MAST2: variants seen among roughly 807,000 people sequenced by gnomAD.
MAST2 encodes the protein microtubule-associated serine/threonine-protein kinase 2.
Under a neutral mutation model 147.4 loss-of-function variants are expected in MAST2, and 70 were observed. The ratio of observed to expected loss-of-function variants is 0.47; its 90% CI spans 0.39 to 0.58. The LOEUF is 0.58. Among genes scored for constraint, MAST2 ranks in the 20% least tolerant of loss-of-function variants. The pLI, the probability that MAST2 is intolerant of heterozygous loss-of-function variation, is 0.00. For synonymous variants in MAST2, 869 were observed against 896.8 expected (o/e 0.97, Z 0.55); for missense variants, 2,080 against 2,302.3 (o/e 0.90, Z 1.98).
intron 7 of MAST2, among the ~76,000 whole-genome samples, chr1:46,005,465 G>A (rs926480170): frequency 6.6e-6 from 1 of 152,162 alleles, no homozygotes; most frequent in South Asian, 2.1e-4. Context: ...AGGTAATGGA[G>A]GGGGGAGTTC....
intron 4 of MAST2, among the ~76,000 whole-genome samples, chr1:45,907,534 T>G (rs1650969992): frequency 6.6e-6 from 1 of 151,468 alleles, no homozygotes; most frequent in Middle Eastern, 3.4e-3. Flanking sequence ...CTCAGCTCAC[T>G]GCAGCCTCTG....
chr1:45,924,046 AT>A (rs1341080450), intron 4 of MAST2, among the ~76,000 whole-genome samples: 1 of 151,938 alleles, frequency 6.6e-6, no homozygotes, highest in Non-Finnish European at 1.5e-5. Context: ...TAATTTTTGT[AT>A]TTTTAGTAGA....
intron 3 of MAST2, among the ~76,000 whole-genome samples, chr1:45,853,211 T>A (rs1025273019): frequency 7.9e-5 from 12 of 152,162 alleles, no homozygotes; most frequent in Non-Finnish European, 1.5e-4. Flanking sequence ...ATTACAGATA[T>A]GAGCCCCATG....
intron 15 of MAST2, among the ~76,000 whole-genome samples, chr1:46,025,044 C>T (rs995716917): frequency 2.6e-5 from 4 of 152,142 alleles, no homozygotes; most frequent in Non-Finnish European, 4.4e-5. Flanking sequence ...ATGGGCCGGA[C>T]GTGGTGGCTC....
At chr1:45,978,125 A>G (rs1644249857) in intron 5 of MAST2, among the ~76,000 whole-genome samples, 1 of 152,228 alleles carries the variant, frequency 6.6e-6, no homozygotes, top group Admixed American at 6.5e-5. Flanking sequence ...AGTATGATTG[A>G]AAAATGGCCA....
At chr1:45,827,104 A>G (rs1644817917) in intron 2 of MAST2, among the ~76,000 whole-genome samples, 1 of 152,202 alleles carries the variant, frequency 6.6e-6, no homozygotes, top group South Asian at 2.1e-4. Flanking sequence ...CTGGAATTAC[A>G]GGCGGGAGCC....
At chr1:45,875,627 G>T (rs1646573498) in intron 3 of MAST2, among the ~76,000 whole-genome samples, 1 of 151,988 alleles carries the variant, frequency 6.6e-6, no homozygotes, top group African/African-American at 2.4e-5. Flanking sequence ...TTGTGCCCGG[G>T]GAAGTAGAAG....
chr1:45,877,294 G>A (rs1432922116), intron 3 of MAST2, among the ~76,000 whole-genome samples: 1 of 152,054 alleles, frequency 6.6e-6, no homozygotes, highest in African/African-American at 2.4e-5. Flanking sequence ...GTCTTGCTCT[G>A]TTGGCCAAGC....
At chr1:45,814,215 T>C (rs1466462358) in intron 1 of MAST2, among the ~76,000 whole-genome samples, 1 of 152,034 alleles carries the variant, frequency 6.6e-6, no homozygotes. Flanking sequence ...CCCCTACTTA[T>C]TAAAAAAAAA....
At chr1:46,029,367 C>T (rs936920350) in intron 18 of MAST2, 99 bp from the exon 19 acceptor site, 1 of 979,330 alleles carries the variant, frequency 1.0e-6, no homozygotes, top group Non-Finnish European at 1.5e-6. Context: ...AGGCTGGGTC[C>T]TTTTTGCCTC....
At position 45,847,519 on chromosome 1, in the gene MAST2, CCT is replaced by C. The variant is rs1426955382; in HGVS notation, c.468+17944_468+17945del. ...TTTTCCTTTTTTTCTTATTTGTGGG[CCT>C]CTCTCATAATTTGAGCTGCTTTTCT... On this transcript the variant is annotated intron_variant, in intron 3 of 28. Transcript: ENST00000361297. 13 of 785,646 alleles carry C rather than the reference CCT, an allele frequency of 1.7e-5. No homozygotes were observed. In the Admixed American group the frequency reaches 2.0e-4, roughly 12 times the overall value. The allele number at this position is 785,646 out of a possible 1,614,324, so 48.7% of individuals were successfully genotyped here.
At chr1:45,973,709 G>A (rs1230006523) in intron 5 of MAST2, among the ~76,000 whole-genome samples, 1 of 152,122 alleles carries the variant, frequency 6.6e-6, no homozygotes, top group Non-Finnish European at 1.5e-5. Flanking sequence ...GACCCAAAAG[G>A]AAAGAGGAAA....
chr1:45,905,964 A>T (rs539127396), intron 4 of MAST2, among the ~76,000 whole-genome samples: 3 of 152,318 alleles, frequency 2.0e-5, no homozygotes, highest in African/African-American at 7.2e-5. Flanking sequence ...AAAACTTGTT[A>T]TGATCAGATT....
At chr1:45,804,838 C>G (rs1379084457) in intron 1 of MAST2, among the ~76,000 whole-genome samples, 1 of 152,212 alleles carries the variant, frequency 6.6e-6, no homozygotes, top group African/African-American at 2.4e-5. Flanking sequence ...GAAGCTGCCA[C>G]TAGTAGCGGT....
chr1:46,028,279 C>T (rs1646500117), intron 17 of MAST2, among the ~76,000 whole-genome samples: 1 of 152,196 alleles, frequency 6.6e-6, no homozygotes, highest in Admixed American at 6.5e-5. Flanking sequence ...GAGATCAGTC[C>T]TGAATCTCCC....
At position 45,865,891 on chromosome 1, in the gene MAST2, T is replaced by C. The variant is rs191199237; in HGVS notation, c.469-16473T>C. Among the ~76,000 whole-genome samples the C allele has an allele frequency of 5.9e-5, 9 of 152,360 alleles. No homozygotes were observed. The East Asian group carries it at 1.5e-3, about 26-fold the overall frequency. ...CTTCTAGTCTATCACTAAATGTTTTTGAGAATTGACATAATGAAGATTCTA... is the reference window on the plus strand; with the variant it reads ...CTTCTAGTCTATCACTAAATGTTTTCGAGAATTGACATAATGAAGATTCTA... On this transcript the variant is annotated intron_variant, in intron 3 of 28. Coordinates refer to ENST00000361297, the MANE Select transcript of MAST2 (RefSeq NM_015112.3).
rs533359458 is a variant in MAST2 at position 45,880,917 on chromosome 1, G to A, written c.469-1447G>A. Among the ~76,000 whole-genome samples, 114 of 146,950 alleles carry A rather than the reference G, an allele frequency of 7.8e-4. 2 individuals carry two copies. In the South Asian group the frequency reaches 0.024, roughly 31 times the overall value. ...CGCTTGAACCCAGGAAGTGGAGGTT[G>A]CAGTGAACCGAGATCGGCCAGCCTG... is the stretch of plus-strand genomic sequence containing the variant. On this transcript the variant is annotated intron_variant, in intron 3 of 28. Transcript: ENST00000361297.
chr1:45,972,857 T>C (rs1165296331), intron 5 of MAST2, among the ~76,000 whole-genome samples: 1 of 152,166 alleles, frequency 6.6e-6, no homozygotes, highest in Non-Finnish European at 1.5e-5. Context: ...TCTAGTGGAA[T>C]CATAGGGGAA....
At chr1:45,983,488 CTT>C (rs766505425) in intron 5 of MAST2, among the ~76,000 whole-genome samples, 17 of 139,436 alleles carry the variant, frequency 1.2e-4, no homozygotes, top group East Asian at 2.1e-4. Flanking sequence ...GAGTAAGACA[CTT>C]TTTTTTTTTT....
Sources: gnomAD v4.1 joint callset for allele counts (sites outside exome capture counted in the v4.1 genomes callset) on GRCh38, gnomAD v4.1.1 for gene constraint, MANE v1.5 for transcripts, NCBI Gene and HGNC (gene_info 2026-07-23, HGNC 2026-07-21) for gene names.